Variants in MYCBPAP observed in about 807,000 individuals in gnomAD.
MYCBPAP encodes the protein MYCBP associated protein.
MYCBPAP carries 60 observed loss-of-function variants against 106.1 expected under a neutral mutation model. That is an observed-to-expected ratio of 0.57 (90% CI 0.46 to 0.70). The LOEUF is 0.70. MYCBPAP is among the 30% of genes least tolerant of loss of function. The probability of loss-of-function intolerance (pLI) is 0.00; values close to 1 mark genes in which losing one functional copy is unlikely to be tolerated. For missense variants in MYCBPAP, 1,064 were observed against 1,169.3 expected, an observed-to-expected ratio of 0.91 and a Z score of 1.31; for synonymous variants, 407 against 440.6, an observed-to-expected ratio of 0.92 and a Z score of 0.95.
intron 17 of MYCBPAP, 58 bp downstream of exon 17, chr17:50,528,898 G>A (rs2034546173): frequency 8.7e-6 from 14 of 1,602,428 alleles, no homozygotes; most frequent in Middle Eastern, 2.2e-4. Flanking sequence ...GAGGGGCTGC[G>A]GAGGTGGGGG....
intron 1 of MYCBPAP, among the ~76,000 whole-genome samples, chr17:50,512,041 C>G (rs1167401088): frequency 6.7e-6 from 1 of 149,924 alleles, no homozygotes; most frequent in East Asian, 1.9e-4. Flanking sequence ...CTCCACCTCC[C>G]CAGCAAGTTT....
intron 12 of MYCBPAP, among the ~76,000 whole-genome samples, chr17:50,524,355 T>A (rs1263093386): frequency 6.6e-6 from 1 of 152,144 alleles, no homozygotes; most frequent in African/African-American, 2.4e-5. Context: ...TGGCCCCCAA[T>A]CACAAGGCCG....
chr17:50,526,448 A>T (rs1321787251), intron 14 of MYCBPAP, among the ~76,000 whole-genome samples, 181 bp downstream of exon 14: 1 of 109,012 alleles, frequency 9.2e-6, no homozygotes, highest in Admixed American at 9.3e-5. Flanking sequence ...TTTTGAGACG[A>T]AGTTTTGCTC....
rs745807542 is a variant in MYCBPAP, at chr17:50,518,579, C to T, written c.507C>T (p.Thr169=). 1 of 1,603,990 alleles carries T rather than the reference C, an allele frequency of 6.2e-7. No homozygotes were observed. Residue 169 remains threonine, a synonymous_variant, in exon 5 of 19, where the codon ACC becomes ACT. Coordinates refer to ENST00000323776, the MANE Select transcript of MYCBPAP (RefSeq NM_032133.6). ...ERIPTSPCLM[T]LISAEGESKQ... Reference sequence around the variant, plus strand: ...TACCTACCTCACCCTGTCTGATGACCCTCATCTCTGCTGAAGGAGAGTCAA... The same window carrying T: ...TACCTACCTCACCCTGTCTGATGACTCTCATCTCTGCTGAAGGAGAGTCAA...
At chr17:50,525,148 T>G in intron 13 of MYCBPAP, 125 bp downstream of exon 13, 1 of 1,182,628 alleles carries the variant, frequency 8.5e-7, no homozygotes, top group South Asian at 1.5e-5. Flanking sequence ...CTCTGCCTCC[T>G]GTCAGATCAG....
chr17:50,524,744 G>GAGAGAC (rs1317851296), intron 12 of MYCBPAP, 133 bp from the exon 13 acceptor site: 26 of 810,040 alleles, frequency 3.2e-5, no homozygotes, highest in Non-Finnish European at 4.8e-5. Context: ...GTGTGAGAGA[G>GAGAGAC]AGAGAGAGAG....
chr17:50,526,402 T>C, intron 14 of MYCBPAP, 135 bp downstream of exon 14: 1 of 552,896 alleles, frequency 1.8e-6, no homozygotes, highest in East Asian at 3.3e-5. Flanking sequence ...ATCTCTTGGG[T>C]TATCTATCTA....
At position 50,508,855 on chromosome 17, in the gene MYCBPAP, T is replaced by G. The variant is rs148426988; in HGVS notation, c.76+105T>G. ...TGGAGGATGGGGATGGCACCAGGGA[T>G]GGAGGAAAGATCACGGGGAAGTGGG... On this transcript the variant is annotated intron_variant, in intron 1 of 18. Transcript: ENST00000323776. The G allele has an allele frequency of 8.2e-4, 847 of 1,033,878 alleles. 5 individuals carry two copies. The African/African-American group carries it at 0.012, about 15-fold the overall frequency. The allele number at this position is 1,033,878 out of a possible 1,614,324, so 64.0% of individuals were successfully genotyped here. A position where few individuals can be genotyped will look rare whatever the true frequency, so the allele number is the denominator to read the frequency against.
rs200140584 is a variant in MYCBPAP at position 50,516,735 on chromosome 17, GT to G, written c.204+41del. The G allele has an allele frequency of 2.0e-3, 3,252 of 1,611,460 alleles. 71 individuals carry two copies. The African/African-American group carries it at 0.039, about 19-fold the overall frequency. ...CCCAAGCTTCCCTTACCATAGAAAC[GT>G]TTCCCTGCCGGCAGCCTGAGTGGTC... On this transcript the variant is annotated intron_variant, in intron 2 of 18. Transcript: ENST00000323776.
chr17:50,525,128 AC>A (rs1273709430), intron 13 of MYCBPAP, 105 bp downstream of exon 13: 2 of 1,383,840 alleles, frequency 1.4e-6, no homozygotes, highest in African/African-American at 2.9e-5. Flanking sequence ...AGCCAGCATT[AC>A]TGCCTGAGCT....
intron 18 of MYCBPAP, chr17:50,529,448 T>C (rs1422056698): frequency 6.8e-6 from 3 of 442,024 alleles, no homozygotes; most frequent in Admixed American, 7.0e-5. Context: ...CCCACAAAGA[T>C]TTGAAGGGAG....
At chr17:50,513,540 A>G (rs2033934637) in intron 1 of MYCBPAP, among the ~76,000 whole-genome samples, 1 of 152,258 alleles carries the variant, frequency 6.6e-6, no homozygotes, top group Non-Finnish European at 1.5e-5. Flanking sequence ...TACTATTTCA[A>G]TCTAAAGCAA....
rs1238650061 is a variant in MYCBPAP, at chr17:50,508,767, T to G, written c.76+17T>G. 1.2e-6 allele frequency: 2 copies of G among 1,601,798 alleles called. No individual in the cohort carries two copies. The highest frequency in any genetic ancestry group is 2.2e-5 in the East Asian group (1 of 44,500). ...ATGTCAAAGGTTGGCGCTGGCTGCC[T>G]TGGGCGCTCGGGAGAACCCGAGAGG... is the stretch of plus-strand genomic sequence containing the variant. On this transcript the variant is annotated intron_variant, in intron 1 of 18. Transcript: ENST00000323776.
chr17:50,523,026 A>G lies in MYCBPAP; in HGVS notation c.1345A>G (p.Thr449Ala), dbSNP rs1242395436. 1 of 1,614,088 alleles carries G rather than the reference A, an allele frequency of 6.2e-7. No homozygotes were observed. The highest frequency in any genetic ancestry group is 1.1e-5 in the South Asian group (1 of 91,068). The change falls in exon 11 of 19, where the codon ACC becomes GCC. Residue 449 changes from threonine to alanine, a missense_variant. Physicochemically the swap from Thr to Ala is moderately conservative, Grantham distance 58 (BLOSUM62 0). Transcript: ENST00000323776. ...AGAACTGACTGTGGTCAATAATGGCACCGTGGCCATTTGGTATGACTGGCG... is the reference window on the plus strand; with the variant it reads ...AGAACTGACTGTGGTCAATAATGGCGCCGTGGCCATTTGGTATGACTGGCG... ...SSELTVVNNG[T>A]VAIWYDWRRQ...
Position 50,510,491 on chromosome 17 carries a change from GTGTGTGTGTATATA to G in MYCBPAP, c.76+1743_76+1756del, listed in dbSNP as rs1434089570. On this transcript the variant is annotated intron_variant, in intron 1 of 18. Transcript: ENST00000323776. ...TGTATATATGTGTGTGTGTGTGTGT[GTGTGTGTGTATATA>G]TATATATATATATATATATATATAT... 98 of 113,824 alleles carry G rather than the reference GTGTGTGTGTATATA, an allele frequency of 8.6e-4. 1 individual carries two copies. Among genetic ancestry groups the G allele is most frequent in the African/African-American group, 2.8e-3 (90 of 32,076 alleles). The allele number at this position is 113,824 out of a possible 1,614,324, so 7.1% of individuals were successfully genotyped here.
chr17:50,511,651 G>A (rs529998815), intron 1 of MYCBPAP, among the ~76,000 whole-genome samples: 1 of 152,322 alleles, frequency 6.6e-6, no homozygotes. Context: ...CCCCGTGCAA[G>A]CGGGGTGGTC....
chr17:50,508,343 C>CG (rs1025307668), upstream of MYCBPAP: 1 of 484,096 alleles, frequency 2.1e-6, no homozygotes, highest in African/African-American at 2.1e-5. Flanking sequence ...CCGCAACTCG[C>CG]GGGGGTCCTC....
chr17:50,528,321 C>A, intron 16 of MYCBPAP, 51 bp downstream of exon 16: 2 of 1,439,088 alleles, frequency 1.4e-6, no homozygotes, highest in Non-Finnish European at 1.9e-6. Context: ...CCTCATCTCT[C>A]TGAATGGACA....
intron 1 of MYCBPAP, among the ~76,000 whole-genome samples, chr17:50,512,139 T>C (rs2033876880): frequency 6.6e-6 from 1 of 151,190 alleles, no homozygotes; most frequent in Non-Finnish European, 1.5e-5. Flanking sequence ...CTGCAAGCTC[T>C]GCCTCCCGTG....
Sources: gnomAD v4.1 joint callset for allele counts (sites outside exome capture counted in the v4.1 genomes callset) on GRCh38, gnomAD v4.1.1 for gene constraint, MANE v1.5 for transcripts, NCBI Gene and HGNC (gene_info 2026-07-23, HGNC 2026-07-21) for gene names.